ZFYVE28: variants seen among roughly 807,000 people sequenced by gnomAD.
ZFYVE28 encodes zinc finger FYVE-type containing 28, also known as lateral signaling target protein 2 homolog.
In ZFYVE28, 40 loss-of-function variants were observed where a neutral mutation model predicts 82.1. The observed-to-expected ratio is 0.49, with a 90% CI of 0.38 to 0.63. The LOEUF is 0.63. Among genes scored for constraint, ZFYVE28 ranks in the 30% least tolerant of loss-of-function variants. The pLI, the probability that ZFYVE28 is intolerant of heterozygous loss-of-function variation, is 0.00. For missense variants in ZFYVE28, 1,321 were observed against 1,242.1 expected (o/e 1.06, Z -0.96); for synonymous variants, 612 against 546.1 (o/e 1.12, Z -1.68).
intron 8 of ZFYVE28, among the ~76,000 whole-genome samples, chr4:2,291,872 G>A (rs1016608485): frequency 1.3e-5 from 2 of 152,224 alleles, no homozygotes; most frequent in African/African-American, 4.8e-5. Flanking sequence ...CCATGGTGCT[G>A]CACTGGGCCA....
chr4:2,308,187 A>G (rs1429645015), intron 7 of ZFYVE28, among the ~76,000 whole-genome samples: 1 of 152,000 alleles, frequency 6.6e-6, no homozygotes, highest in Non-Finnish European at 1.5e-5. Context: ...TGATGTAAAC[A>G]CAGCTCACCG....
intron 8 of ZFYVE28, among the ~76,000 whole-genome samples, chr4:2,280,688 A>G (rs1711841750): frequency 6.6e-6 from 1 of 152,220 alleles, no homozygotes; most frequent in African/African-American, 2.4e-5. Context: ...TTTTGTGATC[A>G]GAAGAGATGC....
At position 2,372,569 on chromosome 4, in the gene ZFYVE28, A is replaced by G. The variant is rs1727683402; in HGVS notation, c.40-18496T>C. On this transcript the variant is annotated intron_variant, in intron 1 of 12. Coordinates refer to ENST00000290974, the MANE Select transcript of ZFYVE28 (RefSeq NM_020972.3). The surrounding 1 kb of genome is among the most constrained non-coding windows in gnomAD (Gnocchi z 5.2). ...TCACCCCATCATGTGGGAGGGGTAC[A>G]CAGAGGTGCGGGCAGGCAGGGGTGC... Among the ~76,000 whole-genome samples, 1 of 152,038 alleles carries G rather than the reference A, an allele frequency of 6.6e-6. No individual in the cohort carries two copies.
At position 2,270,356 on chromosome 4, in the gene ZFYVE28, C is replaced by G. The variant is rs1735801681; in HGVS notation, c.*369G>C. Reference sequence around the variant, plus strand: ...TCCAGATTCACCGCAACAGCAGAGGCGCAGAGTGGCCCCACTCTTGTCCAC... The same window carrying G: ...TCCAGATTCACCGCAACAGCAGAGGGGCAGAGTGGCCCCACTCTTGTCCAC... On this transcript the variant is annotated 3_prime_UTR_variant, in exon 13 of 13. Transcript: ENST00000290974. 3.8e-6 allele frequency: 1 copy of G among 261,168 alleles called. No individual in the cohort carries two copies. The highest frequency in any genetic ancestry group is 7.5e-6 in the Non-Finnish European group (1 of 132,996). 16.2% of individuals were successfully genotyped at this position (261,168 alleles called of 1,614,324 possible).
At chr4:2,337,797 G>A (rs1417626094) in intron 4 of ZFYVE28, among the ~76,000 whole-genome samples, 1 of 152,160 alleles carries the variant, frequency 6.6e-6, no homozygotes, top group Non-Finnish European at 1.5e-5. Context: ...CTTGTGCCCA[G>A]GAGTTGGAGG....
chr4:2,353,273 C>A (rs1238559088), intron 2 of ZFYVE28, among the ~76,000 whole-genome samples: 1 of 152,242 alleles, frequency 6.6e-6, no homozygotes, highest in East Asian at 1.9e-4. Flanking sequence ...CCCTCAGGAC[C>A]ACGGTGACAC....
intron 1 of ZFYVE28, among the ~76,000 whole-genome samples, chr4:2,375,397 G>A (rs1728016912): frequency 1.3e-5 from 2 of 152,194 alleles, no homozygotes; most frequent in Non-Finnish European, 2.9e-5. Context: ...CTCCCCAAGG[G>A]TTCTGCCGGG....
chr4:2,346,578 G>C (rs1723631999), intron 2 of ZFYVE28, among the ~76,000 whole-genome samples: 2 of 152,160 alleles, frequency 1.3e-5, no homozygotes, highest in South Asian at 4.2e-4. Flanking sequence ...ACATACAAAA[G>C]TAAAATGTAT....
In ZFYVE28 at chr4:2,339,972, C is replaced by T. The variant is rs1021856939; in HGVS notation, c.319-317G>A. ...GAGGGGAGGGGAAGGTGGACTGAGG[C>T]CCTTGGGTCTGGGGGCTCCCTGCAG... On this transcript the variant is annotated intron_variant, in intron 3 of 12. Transcript: ENST00000290974. The surrounding 1 kb of genome is among the most constrained non-coding windows in gnomAD (Gnocchi z 5.0). 1.3e-5 allele frequency among the ~76,000 whole-genome samples: 2 copies of T among 151,382 alleles called. No individual in the cohort carries two copies. Among genetic ancestry groups the T allele is most frequent in the Non-Finnish European group, 3.0e-5 (2 of 67,754 alleles).
chr4:2,319,793 T>TTGGGGACGGTGGGGACGGTGGGGACGG, intron 7 of ZFYVE28, among the ~76,000 whole-genome samples: 1 of 124,516 alleles, frequency 8.0e-6, no homozygotes. Context: ...AGCAAGCGCT[T>TTGGGGACGGTGGGGACGGTGGGGACGG]TGGGGACGGT....
chr4:2,375,330 A>T (rs1728005567), intron 1 of ZFYVE28, among the ~76,000 whole-genome samples: 1 of 152,214 alleles, frequency 6.6e-6, no homozygotes, highest in East Asian at 1.9e-4. Context: ...AGTTCTAACA[A>T]GGCCCAAATC....
intron 1 of ZFYVE28, among the ~76,000 whole-genome samples, chr4:2,378,985 A>G (rs1169375965): frequency 6.6e-6 from 1 of 152,192 alleles, no homozygotes; most frequent in Non-Finnish European, 1.5e-5. Flanking sequence ...TATGGGGTAC[A>G]TCTGCACCTG....
intron 7 of ZFYVE28, among the ~76,000 whole-genome samples, chr4:2,307,583 A>C (rs1716775572): frequency 1.3e-5 from 2 of 152,146 alleles, no homozygotes; most frequent in Non-Finnish European, 2.9e-5. Context: ...CCTCAGCTCA[A>C]ATTATTCTTC....
chr4:2,381,488 C>A (rs1728729836), intron 1 of ZFYVE28, among the ~76,000 whole-genome samples: 1 of 152,160 alleles, frequency 6.6e-6, no homozygotes, highest in Non-Finnish European at 1.5e-5. Flanking sequence ...CTGACTGCAA[C>A]CTCTGCTTCC....
chr4:2,272,618 G>A (rs1001876224), intron 10 of ZFYVE28, among the ~76,000 whole-genome samples: 1 of 152,230 alleles, frequency 6.6e-6, no homozygotes, highest in South Asian at 2.1e-4. Flanking sequence ...ATGCCTGTGT[G>A]CTTCTGCTGT....
intron 2 of ZFYVE28, among the ~76,000 whole-genome samples, chr4:2,352,093 T>C (rs996574738): frequency 6.6e-6 from 1 of 152,144 alleles, no homozygotes; most frequent in African/African-American, 2.4e-5. Flanking sequence ...GTCCTGAGAA[T>C]ACTGTATTTT....
intron 1 of ZFYVE28, among the ~76,000 whole-genome samples, chr4:2,413,213 C>T (rs1050543561): frequency 8.5e-5 from 13 of 152,244 alleles, no homozygotes; most frequent in Admixed American, 4.6e-4. Flanking sequence ...GGAAATGAGA[C>T]GTGAGCTGCC....
chr4:2,277,393 T>C (rs1161283051), intron 8 of ZFYVE28, among the ~76,000 whole-genome samples: 2 of 152,118 alleles, frequency 1.3e-5, no homozygotes, highest in Middle Eastern at 3.2e-3. Context: ...GGCAGGAGAA[T>C]TGCTTGAACC....
chr4:2,406,505 G>T (rs898270047), intron 1 of ZFYVE28: 1 of 152,292 alleles, frequency 6.6e-6, no homozygotes, highest in African/African-American at 2.4e-5. Context: ...TCCCTGTGGG[G>T]AAACATGCTG....
Sources: allele counts gnomAD v4.1 joint callset (sites outside exome capture counted in the v4.1 genomes callset), GRCh38; gene constraint gnomAD v4.1.1; non-coding constraint Gnocchi (gnomAD v3.1); transcripts MANE v1.5; gene names NCBI Gene and HGNC (gene_info 2026-07-23, HGNC 2026-07-21).